Variants in GRID2 observed in about 807,000 individuals in gnomAD.
GRID2 encodes glutamate ionotropic receptor delta type subunit 2.
GRID2 carries 33 observed loss-of-function variants against 114.8 expected under a neutral mutation model. That is an observed-to-expected ratio of 0.29 (90% CI 0.22 to 0.38). The LOEUF (loss-of-function observed/expected upper bound fraction) is 0.38, where lower values mean the gene tolerates loss of function less well. GRID2 is among the 10% of genes least tolerant of loss of function. GRID2 has a pLI of 1.00. For synonymous variants in GRID2, 505 were observed against 449.9 expected (o/e 1.12, Z -1.55); for missense variants, 1,184 against 1,257.7 (o/e 0.94, Z 0.89).
chr4:93,388,364 G>A (rs1309050494), intron 8 of GRID2, among the ~76,000 whole-genome samples: 2 of 152,144 alleles, frequency 1.3e-5, no homozygotes, highest in Non-Finnish European at 2.9e-5. Context: ...TAGATTTCAT[G>A]CCCAGATTCT....
At chr4:93,441,329 T>C (rs901232756) in intron 10 of GRID2, among the ~76,000 whole-genome samples, 2 of 152,098 alleles carry the variant, frequency 1.3e-5, no homozygotes, top group African/African-American at 4.8e-5. Context: ...GTATTGTGTT[T>C]AGATTGCTTG....
At chr4:93,232,119 A>T (rs1369815425) in intron 7 of GRID2, among the ~76,000 whole-genome samples, 1 of 152,168 alleles carries the variant, frequency 6.6e-6, no homozygotes, top group African/African-American at 2.4e-5. Context: ...CTGGAAAGTG[A>T]TTTAGGAAAA....
At chr4:93,486,449 A>G (rs913884103) in intron 11 of GRID2, among the ~76,000 whole-genome samples, 7 of 151,678 alleles carry the variant, frequency 4.6e-5, no homozygotes, top group Non-Finnish European at 7.4e-5. Flanking sequence ...TTATTTTATT[A>G]GTATGTATGA....
intron 14 of GRID2, among the ~76,000 whole-genome samples, chr4:93,628,326 A>G (rs917339648): frequency 2.6e-5 from 4 of 152,200 alleles, no homozygotes; most frequent in Non-Finnish European, 5.9e-5. Flanking sequence ...AGACATTTCT[A>G]TAAATGTGTG....
chr4:93,036,236 A>G (rs1181898712), intron 2 of GRID2, among the ~76,000 whole-genome samples: 1 of 152,070 alleles, frequency 6.6e-6, no homozygotes, highest in African/African-American at 2.4e-5. Context: ...AAAAAAATCT[A>G]TATCCCTTAC....
At chr4:92,656,276 T>A (rs763405621) in intron 2 of GRID2, among the ~76,000 whole-genome samples, 5 of 151,676 alleles carry the variant, frequency 3.3e-5, no homozygotes, top group Non-Finnish European at 7.4e-5. Flanking sequence ...TGGCTTTAAT[T>A]TGTAATTCTC....
At chr4:93,364,496 G>A (rs1012051242) in intron 8 of GRID2, among the ~76,000 whole-genome samples, 4 of 151,860 alleles carry the variant, frequency 2.6e-5, no homozygotes, top group African/African-American at 9.7e-5. Context: ...TTAGAGACAA[G>A]AGTCTTGCTC....
chr4:92,483,995 T>C (rs1259181878), intron 1 of GRID2, among the ~76,000 whole-genome samples: 2 of 152,146 alleles, frequency 1.3e-5, no homozygotes, highest in Non-Finnish European at 2.9e-5. Flanking sequence ...ACGTGAATGA[T>C]AAAGCAAGGT....
chr4:92,409,579 C>G (rs564092308), intron 1 of GRID2, among the ~76,000 whole-genome samples: 107 of 152,188 alleles, frequency 7.0e-4, no homozygotes, highest in African/African-American at 2.5e-3. Flanking sequence ...ATAGAACATT[C>G]AGGAACTTGG....
rs1722101199 is a variant in GRID2, at chr4:92,472,625, A to T, written c.89-117506A>T. Reference sequence around the variant, plus strand: ...ACATTTTAATTTTAGACATTATTGTAGGTGCATAGGGATGTCTCGCTGTGG... The same window carrying T: ...ACATTTTAATTTTAGACATTATTGTTGGTGCATAGGGATGTCTCGCTGTGG... On this transcript the variant is annotated intron_variant, in intron 1 of 15. Transcript: ENST00000282020. 2.6e-5 allele frequency among the ~76,000 whole-genome samples: 4 copies of T among 152,240 alleles called. No individual in the cohort carries two copies. The South Asian group carries it at 8.3e-4, about 32-fold the overall frequency.
chr4:93,623,186 G>C (rs1405305095), intron 13 of GRID2, among the ~76,000 whole-genome samples: 1 of 151,696 alleles, frequency 6.6e-6, no homozygotes. Flanking sequence ...TTAAGTTCTG[G>C]GATACATGTG....
At chr4:93,677,956 G>GAA (rs200537157) in intron 14 of GRID2, among the ~76,000 whole-genome samples, 11 of 150,722 alleles carry the variant, frequency 7.3e-5, no homozygotes, top group Non-Finnish European at 1.5e-4. Context: ...GTTGAGAGAA[G>GAA]GCTTCAGACG....
chr4:93,072,190 A>C (rs1728869031), intron 2 of GRID2, among the ~76,000 whole-genome samples: 1 of 152,118 alleles, frequency 6.6e-6, no homozygotes. Context: ...TTAAACTCTA[A>C]TTTTTTTCAA....
intron 5 of GRID2, among the ~76,000 whole-genome samples, chr4:93,211,113 C>T (rs1330311252): frequency 2.0e-5 from 3 of 151,854 alleles, no homozygotes; most frequent in Non-Finnish European, 4.4e-5. Flanking sequence ...AGAAGGAACC[C>T]CTTAATTAAT....
At chr4:93,168,588 C>T (rs977204219) in intron 4 of GRID2, among the ~76,000 whole-genome samples, 3 of 152,010 alleles carry the variant, frequency 2.0e-5, no homozygotes, top group Non-Finnish European at 4.4e-5. Flanking sequence ...TAATAGTCAT[C>T]TCTTTTAAAA....
intron 14 of GRID2, among the ~76,000 whole-genome samples, chr4:93,681,562 G>A (rs2110092286): frequency 6.6e-6 from 1 of 152,180 alleles, no homozygotes; most frequent in Admixed American, 6.5e-5. Flanking sequence ...AAACAGCATG[G>A]TACTGGTACC....
At chr4:93,662,264 G>A (rs1723565577) in intron 14 of GRID2, among the ~76,000 whole-genome samples, 1 of 152,040 alleles carries the variant, frequency 6.6e-6, no homozygotes, top group African/African-American at 2.4e-5. Context: ...TGCCAACTCT[G>A]GTTCTCTTCA....
At chr4:92,983,499 A>G (rs1754337689) in intron 2 of GRID2, among the ~76,000 whole-genome samples, 1 of 152,134 alleles carries the variant, frequency 6.6e-6, no homozygotes, top group African/African-American at 2.4e-5. Context: ...CTCATGATGC[A>G]TTTACATCAT....
At chr4:93,347,768 GTCA>G (rs1356365419) in intron 8 of GRID2, among the ~76,000 whole-genome samples, 2 of 152,026 alleles carry the variant, frequency 1.3e-5, no homozygotes, top group Non-Finnish European at 2.9e-5. Flanking sequence ...CTTGTTTAAG[GTCA>G]TCAAGTTAGT....
Sources: allele counts gnomAD v4.1 joint callset (sites outside exome capture counted in the v4.1 genomes callset), GRCh38; gene constraint gnomAD v4.1.1; transcripts MANE v1.5; gene names NCBI Gene and HGNC (gene_info 2026-07-23, HGNC 2026-07-21).